The following GAS7 variants were observed in gnomAD, a reference collection of about 807,000 sequenced individuals.
GAS7 encodes growth arrest specific 7, also known as growth arrest-specific protein 7.
GAS7 carries 28 observed loss-of-function variants against 71.1 expected under a neutral mutation model. That is an observed-to-expected ratio of 0.39 (90% CI 0.29 to 0.54). The LOEUF (loss-of-function observed/expected upper bound fraction) is 0.54, where lower values mean the gene tolerates loss of function less well. Among genes scored for constraint, GAS7 ranks in the 20% least tolerant of loss-of-function variants. The pLI is 0.62. For missense variants in GAS7, 436 were observed against 627.8 expected (o/e 0.69, Z 3.27); for synonymous variants, 258 against 245.8 (o/e 1.05, Z -0.46).
intron 8 of GAS7, among the ~76,000 whole-genome samples, chr17:9,938,116 G>A (rs1188263888): frequency 6.6e-6 from 1 of 152,142 alleles, no homozygotes; most frequent in African/African-American, 2.4e-5. Flanking sequence ...AACCCACAAT[G>A]TGGCTGCATT....
At chr17:10,093,859 T>C (rs1334246112) in intron 1 of GAS7, among the ~76,000 whole-genome samples, 9 of 152,310 alleles carry the variant, frequency 5.9e-5, no homozygotes, top group South Asian at 2.1e-4. Flanking sequence ...ATACGTGTTA[T>C]TGAAACCTCT....
At chr17:9,962,373 C>T (rs925837195) in intron 4 of GAS7, among the ~76,000 whole-genome samples, 4 of 152,098 alleles carry the variant, frequency 2.6e-5, no homozygotes, top group Admixed American at 6.6e-5. Context: ...CAAATATTAC[C>T]GGAAGCTCCT....
At position 10,005,087 on chromosome 17, in the gene GAS7, G is replaced by A. The variant is rs1000415163; in HGVS notation, c.304+14690C>T. On this transcript the variant is annotated intron_variant, in intron 2 of 13. Coordinates refer to ENST00000432992, the MANE Select transcript of GAS7 (RefSeq NM_201433.2). ...TGTGTATGCACGCATACATGCGTGTGTGCACGCATACATGCATGTGTGTGC... is the reference window on the plus strand; with the variant it reads ...TGTGTATGCACGCATACATGCGTGTATGCACGCATACATGCATGTGTGTGC... Among the ~76,000 whole-genome samples the A allele has an allele frequency of 6.6e-3, 990 of 150,342 alleles. 5 individuals are homozygous for A. The highest frequency in any genetic ancestry group is 0.042 in the South Asian group (202 of 4,770).
chr17:10,015,159 A>C (rs1985321), intron 2 of GAS7, among the ~76,000 whole-genome samples: 1 of 146,886 alleles, frequency 6.8e-6, no homozygotes, highest in South Asian at 2.1e-4. Context: ...GTCTCAAAAA[A>C]AAAAGAAAAG....
At chr17:10,123,827 T>C (rs922864706) in intron 1 of GAS7, among the ~76,000 whole-genome samples, 2 of 152,196 alleles carry the variant, frequency 1.3e-5, no homozygotes, top group Non-Finnish European at 2.9e-5. Flanking sequence ...AACAGCTGAT[T>C]TGAGACAAGC....
chr17:10,038,992 CA>C (rs1235570708), intron 1 of GAS7, among the ~76,000 whole-genome samples: 1 of 151,944 alleles, frequency 6.6e-6, no homozygotes, highest in African/African-American at 2.4e-5. Flanking sequence ...CTAGAGAAGT[CA>C]AATTAATAGC....
intron 1 of GAS7, among the ~76,000 whole-genome samples, chr17:10,170,971 T>A (rs1465393273): frequency 6.6e-6 from 1 of 152,188 alleles, no homozygotes; most frequent in African/African-American, 2.4e-5. Flanking sequence ...AGCGAACCAC[T>A]GGGATCAATT....
rs116172190 is a variant in GAS7, at chr17:9,954,815, G to A, written c.525+4387C>T. Among the ~76,000 whole-genome samples, 1,262 of 152,254 alleles carry A rather than the reference G, an allele frequency of 8.3e-3. 19 individuals are homozygous for A. Among genetic ancestry groups the A allele is most frequent in the African/African-American group, 0.029 (1,201 of 41,526 alleles). On this transcript the variant is annotated intron_variant, in intron 5 of 13. Transcript: ENST00000432992. ...TGGTGCTGAGGCTGAGAAACCCTGA[G>A]TTGACTGACCTGGGTGGAGAGGAAG...
intron 1 of GAS7, among the ~76,000 whole-genome samples, chr17:10,131,989 G>A (rs1488807422): frequency 3.3e-5 from 5 of 151,908 alleles, no homozygotes; most frequent in African/African-American, 1.2e-4. Flanking sequence ...AAACATGAAC[G>A]TATAAAAACA....
chr17:9,986,628 C>T (rs9892915), intron 2 of GAS7, among the ~76,000 whole-genome samples: 8,972 of 152,228 alleles, frequency 0.059, 844 homozygotes, highest in African/African-American at 0.2. Flanking sequence ...GGCCTGCAGT[C>T]TGAATGCTGC....
intron 1 of GAS7, among the ~76,000 whole-genome samples, chr17:10,106,954 G>A (rs1266198907): frequency 6.6e-6 from 1 of 152,166 alleles, no homozygotes; most frequent in Non-Finnish European, 1.5e-5. Context: ...AGGAAGACAA[G>A]GTCAAAGAAG....
chr17:10,098,043 CAAAA>C (rs34381280), intron 1 of GAS7, among the ~76,000 whole-genome samples: 1 of 136,818 alleles, frequency 7.3e-6, no homozygotes. Flanking sequence ...GACTCCATCT[CAAAA>C]AAAAAAAAAA....
At chr17:10,032,651 A>G (rs2072649949) in intron 1 of GAS7, among the ~76,000 whole-genome samples, 1 of 152,242 alleles carries the variant, frequency 6.6e-6, no homozygotes, top group South Asian at 2.1e-4. Flanking sequence ...TTAAATGTCC[A>G]GCTCAGCTTC....
At chr17:9,958,481 G>C (rs1202350738) in intron 5 of GAS7, among the ~76,000 whole-genome samples, 3 of 152,228 alleles carry the variant, frequency 2.0e-5, no homozygotes, top group Non-Finnish European at 2.9e-5. Flanking sequence ...GAGCCTAAGA[G>C]AGCAATACCC....
intron 1 of GAS7, among the ~76,000 whole-genome samples, chr17:10,083,817 G>A (rs1396323474): frequency 6.6e-6 from 1 of 152,216 alleles, no homozygotes; most frequent in African/African-American, 2.4e-5. Flanking sequence ...AAGACACCAC[G>A]CAGAAGTGGG....
intron 2 of GAS7, among the ~76,000 whole-genome samples, chr17:9,996,929 C>T (rs1270075096): frequency 6.6e-6 from 1 of 152,048 alleles, no homozygotes; most frequent in Non-Finnish European, 1.5e-5. Flanking sequence ...CATGAGCCAC[C>T]GCGCCAGGCC....
At position 10,088,498 on chromosome 17, in the gene GAS7, A is replaced by G. The variant is rs1323090897; in HGVS notation, c.184-68601T>C. The stretch of plus-strand genomic sequence containing the variant: ...CATCCCAACATAAAGTTCCTTGGCC[A>G]CTCTGACTCTTGTTAAATCTGTGCA... On this transcript the variant is annotated intron_variant, in intron 1 of 13. Transcript: ENST00000432992. Among the ~76,000 whole-genome samples, 37 of 151,968 alleles carry G rather than the reference A, an allele frequency of 2.4e-4. 1 individual carries two copies. The highest frequency in any genetic ancestry group is 2.4e-3 in the Admixed American group (37 of 15,246).
chr17:10,008,789 A>G (rs181828546), intron 2 of GAS7, among the ~76,000 whole-genome samples: 43 of 152,220 alleles, frequency 2.8e-4, no homozygotes, highest in African/African-American at 1.0e-3. Flanking sequence ...TCTCTCTCAC[A>G]CACACACGCA....
At chr17:10,010,508 T>G (rs530188652) in intron 2 of GAS7, among the ~76,000 whole-genome samples, 7 of 152,050 alleles carry the variant, frequency 4.6e-5, no homozygotes, top group Non-Finnish European at 7.4e-5. Flanking sequence ...GGTCAGAGAG[T>G]AAATATTTTC....
Sources: allele counts gnomAD v4.1 joint callset (sites outside exome capture counted in the v4.1 genomes callset), GRCh38; gene constraint gnomAD v4.1.1; transcripts MANE v1.5; gene names NCBI Gene and HGNC (gene_info 2026-07-23, HGNC 2026-07-21).